LPAR3: variants seen among roughly 807,000 people sequenced by gnomAD.
LPAR3 encodes lysophosphatidic acid receptor 3.
In LPAR3, 7 loss-of-function variants were observed where a neutral mutation model predicts 17.8. The ratio of observed to expected loss-of-function variants is 0.39; its 90% CI spans 0.22 to 0.74. LPAR3 has a LOEUF of 0.74. Among genes scored for constraint, LPAR3 ranks in the 30% least tolerant of loss-of-function variants. LPAR3 has a pLI of 0.40. For missense variants in LPAR3, 391 were observed against 453.4 expected, an observed-to-expected ratio of 0.86 and a Z score of 1.25; for synonymous variants, 179 against 179.9, an observed-to-expected ratio of 0.99 and a Z score of 0.04.
chr1:84,839,630 C>T (rs987224311), intron 2 of LPAR3, among the ~76,000 whole-genome samples: 5 of 152,070 alleles, frequency 3.3e-5, no homozygotes, highest in African/African-American at 4.8e-5. Context: ...AGGATCACTG[C>T]ACTCCAGCCT....
rs1658820886 is a variant in LPAR3, at chr1:84,811,909, C to T, written c.*1937G>A. ...CTAAATGTTTTACATAGAAAACTCT[C>T]GTTGGTAGCCTGTGTGTATGAAACA... On this transcript the variant is annotated 3_prime_UTR_variant, in exon 3 of 3. Transcript: ENST00000370611. The T allele has an allele frequency of 6.6e-6, 1 of 152,058 alleles. No homozygotes were observed. Among genetic ancestry groups the T allele is most frequent in the Admixed American group, 6.6e-5 (1 of 15,266 alleles). The allele number at this position is 152,058 out of a possible 1,614,324, so 9.4% of individuals were successfully genotyped here. A position where few individuals can be genotyped will look rare whatever the true frequency, so the allele number is the denominator to read the frequency against.
chr1:84,875,342 T>C (rs1219268875), intron 1 of LPAR3, among the ~76,000 whole-genome samples: 2 of 152,250 alleles, frequency 1.3e-5, no homozygotes, highest in Admixed American at 1.3e-4. Flanking sequence ...ATGGTATAAT[T>C]ATGCCCCCCA....
At chr1:84,875,641 T>A (rs1220426162) in intron 1 of LPAR3, among the ~76,000 whole-genome samples, 1 of 152,268 alleles carries the variant, frequency 6.6e-6, no homozygotes, top group African/African-American at 2.4e-5. Flanking sequence ...CTTTATAAAT[T>A]ACCCAGTCTC....
intron 2 of LPAR3, among the ~76,000 whole-genome samples, chr1:84,827,548 G>A (rs1263978230): frequency 1.3e-5 from 2 of 152,126 alleles, no homozygotes; most frequent in Non-Finnish European, 2.9e-5. Context: ...TCACCACCAT[G>A]AGCATGTCAC....
Position 84,813,158 on chromosome 1 carries a change from T to TAGAGAGAGAG in LPAR3, c.*687_*688insCTCTCTCTCT, listed in dbSNP as rs1553145910. The stretch of plus-strand genomic sequence containing the variant: ...ATATATATATATATATATATATATA[T>TAGAGAGAGAG]AGACACACACACACACACACACACA... On this transcript the variant is annotated 3_prime_UTR_variant, in exon 3 of 3. Transcript: ENST00000370611. 52 of 101,686 alleles carry TAGAGAGAGAG rather than the reference T, an allele frequency of 5.1e-4. 1 individual carries two copies. In the East Asian group the frequency reaches 6.0e-3, roughly 12 times the overall value. The allele number at this position is 101,686 out of a possible 1,614,324, so 6.3% of individuals were successfully genotyped here. A position where few individuals can be genotyped will look rare whatever the true frequency, so the allele number is the denominator to read the frequency against.
intron 2 of LPAR3, among the ~76,000 whole-genome samples, chr1:84,861,706 G>A (rs1256474392): frequency 2.0e-5 from 3 of 152,288 alleles, no homozygotes; most frequent in South Asian, 2.1e-4. Flanking sequence ...CCTCGTCCCT[G>A]AACTTCCTGT....
chr1:84,832,057 C>T (rs1659294314), intron 2 of LPAR3, among the ~76,000 whole-genome samples: 1 of 152,180 alleles, frequency 6.6e-6, no homozygotes, highest in South Asian at 2.1e-4. Flanking sequence ...TAAGACATTG[C>T]TCCTACTGAA....
Position 84,893,154 on chromosome 1 carries a change from C to A in LPAR3, c.-157G>T, listed in dbSNP as rs1286315180. The A allele has an allele frequency of 6.6e-6, 1 of 152,114 alleles. No individual in the cohort carries two copies. Among genetic ancestry groups the A allele is most frequent in the Non-Finnish European group, 1.5e-5 (1 of 68,000 alleles). 9.4% of individuals were successfully genotyped at this position (152,114 alleles called of 1,614,324 possible). ...GAGAAGCAGCGGAGGACGCGGCGGG[C>A]GGGCGGAGCGCCTCCTCTCCAGCGA... On this transcript the variant is annotated 5_prime_UTR_variant, in exon 1 of 3. Coordinates refer to ENST00000370611, the MANE Select transcript of LPAR3 (RefSeq NM_012152.3).
intron 2 of LPAR3, among the ~76,000 whole-genome samples, chr1:84,843,608 G>A (rs1659546845): frequency 6.6e-6 from 1 of 152,254 alleles, no homozygotes; most frequent in African/African-American, 2.4e-5. Flanking sequence ...CCTGCTGGGT[G>A]TTGGCAGAGA....
At chr1:84,888,880 G>A (rs1886647) in intron 1 of LPAR3, among the ~76,000 whole-genome samples, 46,236 of 152,014 alleles carry the variant, frequency 0.3, 7,374 homozygotes, top group Admixed American at 0.43. Flanking sequence ...ACTAGCTGAT[G>A]AGTAATTAGA....
At chr1:84,884,731 C>T (rs904074533) in intron 1 of LPAR3, among the ~76,000 whole-genome samples, 7 of 152,158 alleles carry the variant, frequency 4.6e-5, no homozygotes, top group African/African-American at 9.7e-5. Context: ...TCTGTCTGTA[C>T]GAAACTGGGG....
At chr1:84,854,488 A>AG (rs1274032395) in intron 2 of LPAR3, among the ~76,000 whole-genome samples, 7 of 152,190 alleles carry the variant, frequency 4.6e-5, no homozygotes, top group Non-Finnish European at 8.8e-5. Flanking sequence ...AGTCACACAC[A>AG]GGAAAAGCCA....
Position 84,813,134 on chromosome 1 carries a change from T to C in LPAR3, c.*712A>G, listed in dbSNP as rs1297200988. On this transcript the variant is annotated 3_prime_UTR_variant, in exon 3 of 3. Transcript: ENST00000370611. ...AAATCAGTAAAAACAGGAATATATA[T>C]ATATATATATATATATATATATATA... 2 of 103,650 alleles carry C rather than the reference T, an allele frequency of 1.9e-5. No homozygotes were observed. Among genetic ancestry groups the C allele is most frequent in the South Asian group, 6.8e-4 (2 of 2,960 alleles). 6.4% of individuals were successfully genotyped at this position (103,650 alleles called of 1,614,324 possible).
chr1:84,865,234 G>T, intron 2 of LPAR3, 151 bp downstream of exon 2: 1 of 716,686 alleles, frequency 1.4e-6, no homozygotes, highest in Non-Finnish European at 2.3e-6. Context: ...TTCCTTATTA[G>T]AGTGTAAGCT....
chr1:84,860,021 C>T (rs370681360), intron 2 of LPAR3, among the ~76,000 whole-genome samples: 3 of 152,184 alleles, frequency 2.0e-5, no homozygotes, highest in Non-Finnish European at 4.4e-5. Flanking sequence ...AAAGCAGGAT[C>T]GTATGTCTCC....
intron 2 of LPAR3, among the ~76,000 whole-genome samples, chr1:84,854,670 G>A (rs1659783941): frequency 6.6e-6 from 1 of 152,124 alleles, no homozygotes; most frequent in South Asian, 2.1e-4. Flanking sequence ...AACCTAGCAA[G>A]GTAGTCAATA....
At chr1:84,854,695 GA>G (rs1659784335) in intron 2 of LPAR3, among the ~76,000 whole-genome samples, 1 of 152,140 alleles carries the variant, frequency 6.6e-6, no homozygotes, top group South Asian at 2.1e-4. Flanking sequence ...TTTATGATGA[GA>G]AAATATAAAA....
At chr1:84,882,409 C>G (rs1184422287) in intron 1 of LPAR3, among the ~76,000 whole-genome samples, 3 of 152,124 alleles carry the variant, frequency 2.0e-5, no homozygotes, top group Non-Finnish European at 2.9e-5. Flanking sequence ...AATGTCCATA[C>G]TACCCAAAGC....
intron 1 of LPAR3, among the ~76,000 whole-genome samples, chr1:84,870,441 C>A (rs964859162): frequency 1.3e-5 from 2 of 152,222 alleles, no homozygotes; most frequent in African/African-American, 4.8e-5. Flanking sequence ...CTTACACTAT[C>A]TTTTTCCATG....
Sources: gnomAD v4.1 joint callset for allele counts (sites outside exome capture counted in the v4.1 genomes callset) on GRCh38, gnomAD v4.1.1 for gene constraint, MANE v1.5 for transcripts, NCBI Gene and HGNC (gene_info 2026-07-23, HGNC 2026-07-21) for gene names.